HS3ST1: variants seen among roughly 807,000 people sequenced by gnomAD.
HS3ST1 encodes the protein heparan sulfate-glucosamine 3-sulfotransferase 1.
Under a neutral mutation model 20.7 loss-of-function variants are expected in HS3ST1, and 8 were observed. That is an observed-to-expected ratio of 0.39 (90% CI 0.23 to 0.70). The LOEUF (loss-of-function observed/expected upper bound fraction) is 0.70. HS3ST1 is among the 30% of genes least tolerant of loss of function. The pLI is 0.46. For synonymous variants in HS3ST1, 205 were observed against 190.4 expected (o/e 1.08, Z -0.63); for missense variants, 436 against 423.4 (o/e 1.03, Z -0.26).
intron 1 of HS3ST1, among the ~76,000 whole-genome samples, chr4:11,402,300 G>GTAAC (rs746200751): frequency 6.6e-6 from 1 of 152,218 alleles, no homozygotes; most frequent in Non-Finnish European, 1.5e-5. Context: ...GATCAGTGAT[G>GTAAC]TAACTCTTTA....
At chr4:11,413,784 C>T (rs564688459) in intron 1 of HS3ST1, among the ~76,000 whole-genome samples, 1 of 152,044 alleles carries the variant, frequency 6.6e-6, no homozygotes, top group East Asian at 1.9e-4. Context: ...CGATAATGGA[C>T]TGAGAGATCT....
upstream of HS3ST1, among the ~76,000 whole-genome samples, chr4:11,433,807 C>T (rs1711520429): frequency 6.6e-6 from 1 of 152,180 alleles, no homozygotes; most frequent in Admixed American, 6.5e-5. Flanking sequence ...AATTCAATCC[C>T]TTACTTAGGA....
At chr4:11,409,264 G>A (rs957897604) in intron 1 of HS3ST1, among the ~76,000 whole-genome samples, 9 of 152,164 alleles carry the variant, frequency 5.9e-5, no homozygotes, top group Non-Finnish European at 1.3e-4. Context: ...TGTTTCCCCT[G>A]AAACAATTTG....
In HS3ST1 at chr4:11,399,987, C is replaced by G; in HGVS notation, c.19G>C (p.Gly7Arg). 2.6e-6 allele frequency: 4 copies of G among 1,532,074 alleles called. No individual in the cohort carries two copies. Among genetic ancestry groups the G allele is most frequent in the Middle Eastern group, 3.5e-4 (2 of 5,686 alleles). The allele number at this position is 1,532,074 out of a possible 1,614,324, so 94.9% of individuals were successfully genotyped here. The change falls in exon 2 of 2, where the codon GGC becomes CGC. Residue 7 changes from glycine (G) to arginine (R), a missense_variant. Gly to Arg is a moderately radical substitution (Grantham distance 125). Transcript: ENST00000002596. This position sits in a 1 kb window ranked among gnomAD's most constrained non-coding sequence, Gnocchi z 5.1. ...GGCTGGGCCACCAGCAGCACCGCGC[C>G]CAGGAGCAGCGCGGCCATGCTGGAC... MAALLL[G>R]AVLLVAQPQL...
rs2108879224 is a variant in HS3ST1, at chr4:11,399,408, T to C, written c.598A>G (p.Met200Val). ...GGGAAAAAGCGCAGCCAGTTCTGCA[T>C]GTGCACGTGGTAGAGGCTGCGGTTG... Reference protein sequence around the residue: ...ALNRSLYHVHMQNWLRFFPLR... With the variant: ...ALNRSLYHVHVQNWLRFFPLR... Residue 200 changes from methionine (M) to valine (V), a missense_variant, in exon 2 of 2, where the codon ATG becomes GTG. Physicochemically the swap from Met to Val is conservative, Grantham distance 21. Transcript: ENST00000002596. This position sits in a 1 kb window ranked among gnomAD's most constrained non-coding sequence, Gnocchi z 5.1. 2.5e-6 allele frequency: 4 copies of C among 1,614,010 alleles called. No homozygotes were observed. Among genetic ancestry groups the C allele is most frequent in the East Asian group, 4.5e-5 (2 of 44,880 alleles).
Position 11,398,355 on chromosome 4 carries a change from A to G in HS3ST1, c.*727T>C, listed in dbSNP as rs185498516. 211 of 152,356 alleles carry G rather than the reference A, an allele frequency of 1.4e-3. 1 individual carries two copies. The highest frequency in any genetic ancestry group is 2.5e-3 in the Non-Finnish European group (167 of 68,040). 9.4% of individuals were successfully genotyped at this position (152,356 alleles called of 1,614,324 possible). Reference sequence around the variant, plus strand: ...ACCTGGGGCAAAGTATCCAGGTCCAAGATCATTCTGAAGGCCAAGGGTTTA... The same window carrying G: ...ACCTGGGGCAAAGTATCCAGGTCCAGGATCATTCTGAAGGCCAAGGGTTTA... On this transcript the variant is annotated 3_prime_UTR_variant, in exon 2 of 2. Transcript: ENST00000002596.
Position 11,395,942 on chromosome 4 carries a change from A to T in HS3ST1, c.*3140T>A, listed in dbSNP as rs1230484094. On this transcript the variant is annotated 3_prime_UTR_variant, in exon 2 of 2. Coordinates refer to ENST00000002596, the MANE Select transcript of HS3ST1 (RefSeq NM_005114.4). Reference sequence around the variant, plus strand: ...GTACTCCAAGACCCTCTGTACTTTTATTAAAGTCCAGAACAAACAGTTAAT... The same window carrying T: ...GTACTCCAAGACCCTCTGTACTTTTTTTAAAGTCCAGAACAAACAGTTAAT... 1 of 152,176 alleles carries T rather than the reference A, an allele frequency of 6.6e-6. No homozygotes were observed. Among genetic ancestry groups the T allele is most frequent in the Non-Finnish European group, 1.5e-5 (1 of 68,036 alleles). The allele number at this position is 152,176 out of a possible 1,614,324, so 9.4% of individuals were successfully genotyped here.
intron 1 of HS3ST1, among the ~76,000 whole-genome samples, chr4:11,417,617 A>T (rs982490833): frequency 5.9e-5 from 9 of 152,174 alleles, no homozygotes; most frequent in Non-Finnish European, 8.8e-5. Context: ...GAGTAATGGA[A>T]ATCCATGGAA....
intron 1 of HS3ST1, among the ~76,000 whole-genome samples, chr4:11,425,542 A>C (rs60137114): frequency 0.012 from 1,838 of 152,294 alleles, 32 homozygotes; most frequent in African/African-American, 0.042. Context: ...ATTCAGGTGG[A>C]GTGATCACAA....
At chr4:11,413,675 A>G (rs17423205) in intron 1 of HS3ST1, among the ~76,000 whole-genome samples, 22,917 of 152,024 alleles carry the variant, frequency 0.15, 1,779 homozygotes, top group South Asian at 0.2. Context: ...AATAGGAGAG[A>G]AGGTACAAAA....
intron 1 of HS3ST1, among the ~76,000 whole-genome samples, chr4:11,428,244 C>T (rs1200921972): frequency 1.3e-5 from 2 of 152,236 alleles, no homozygotes; most frequent in African/African-American, 2.4e-5. Flanking sequence ...CCCCCAAAGG[C>T]TCCCTCAGCC....
intron 1 of HS3ST1, among the ~76,000 whole-genome samples, chr4:11,423,120 T>C (rs1718980314): frequency 1.3e-5 from 2 of 150,176 alleles, no homozygotes; most frequent in African/African-American, 4.9e-5. Context: ...CCTCAATCAC[T>C]GTAGTTGCCT....
At chr4:11,424,049 A>C (rs1473867954) in intron 1 of HS3ST1, among the ~76,000 whole-genome samples, 1 of 151,690 alleles carries the variant, frequency 6.6e-6, no homozygotes, top group Non-Finnish European at 1.5e-5. Context: ...AAAAAAAAAA[A>C]AAAAAAAAAC....
chr4:11,420,710 G>T (rs1310156487), intron 1 of HS3ST1, among the ~76,000 whole-genome samples: 3 of 152,110 alleles, frequency 2.0e-5, no homozygotes, highest in African/African-American at 7.2e-5. Context: ...AATGCCCAGA[G>T]TTCTGTTTTG....
intron 1 of HS3ST1, among the ~76,000 whole-genome samples, chr4:11,410,721 G>A (rs929828703): frequency 5.3e-5 from 8 of 152,038 alleles, no homozygotes; most frequent in Non-Finnish European, 1.0e-4. Context: ...GTGAAACCCT[G>A]TCTCTACTAA....
chr4:11,408,888 T>A (rs1243575038), intron 1 of HS3ST1, among the ~76,000 whole-genome samples: 3 of 152,246 alleles, frequency 2.0e-5, no homozygotes, highest in Non-Finnish European at 4.4e-5. Flanking sequence ...AGGTGCCATC[T>A]TAGCTGAAGA....
At position 11,396,550 on chromosome 4, in the gene HS3ST1, G is replaced by A. The variant is rs1577433229; in HGVS notation, c.*2532C>T. 1 of 152,174 alleles carries A rather than the reference G, an allele frequency of 6.6e-6. No individual in the cohort carries two copies. The highest frequency in any genetic ancestry group is 1.9e-4 in the East Asian group (1 of 5,192). The allele number at this position is 152,174 out of a possible 1,614,324, so 9.4% of individuals were successfully genotyped here. A position where few individuals can be genotyped will look rare whatever the true frequency, so the allele number is the denominator to read the frequency against. On this transcript the variant is annotated 3_prime_UTR_variant, in exon 2 of 2. Transcript: ENST00000002596. ...TAGGCTCCTGAGTCACTGCATTTTGGCCCTGTAAGGACAGCCCAGGGTCTA... is the reference window on the plus strand; with the variant it reads ...TAGGCTCCTGAGTCACTGCATTTTGACCCTGTAAGGACAGCCCAGGGTCTA...
intron 1 of HS3ST1, among the ~76,000 whole-genome samples, chr4:11,423,730 A>G (rs763506615): frequency 1.3e-5 from 2 of 152,214 alleles, no homozygotes; most frequent in Non-Finnish European, 2.9e-5. Flanking sequence ...GATAGGAAGA[A>G]GGAACATCCC....
intron 1 of HS3ST1, among the ~76,000 whole-genome samples, chr4:11,408,200 A>T (rs2108883474): frequency 6.6e-6 from 1 of 152,162 alleles, no homozygotes; most frequent in East Asian, 1.9e-4. Context: ...CAGCCCTGAA[A>T]CTCAGAGCTT....
Sources: gnomAD v4.1 joint callset for allele counts (sites outside exome capture counted in the v4.1 genomes callset) on GRCh38, gnomAD v4.1.1 for gene constraint, Gnocchi (gnomAD v3.1) non-coding constraint, MANE v1.5 for transcripts, NCBI Gene and HGNC (gene_info 2026-07-23, HGNC 2026-07-21) for gene names.